The following SORCS3 variants were observed in gnomAD, a reference collection of about 807,000 sequenced individuals.
SORCS3 encodes sortilin related VPS10 domain containing receptor 3.
A neutral mutation model predicts 146.3 loss-of-function variants in SORCS3; 57 were observed. The observed-to-expected ratio is 0.39, with a 90% confidence interval of 0.31 to 0.49. SORCS3 has a LOEUF of 0.49. Ranked by LOEUF, SORCS3 falls within the 20% of genes least tolerant of loss-of-function variation. The probability of loss-of-function intolerance (pLI) is 0.92; values close to 1 mark genes in which losing one functional copy is unlikely to be tolerated. For synonymous variants in SORCS3, 653 were observed against 618.5 expected (o/e 1.06, Z -0.83); for missense variants, 1,341 against 1,575.5 (o/e 0.85, Z 2.52).
chr10:104,869,721 C>G (rs2133566971), intron 2 of SORCS3, among the ~76,000 whole-genome samples: 1 of 152,314 alleles, frequency 6.6e-6, no homozygotes, highest in East Asian at 1.9e-4. Context: ...GTTGGAATAT[C>G]AGGATGCGTA....
intron 4 of SORCS3, among the ~76,000 whole-genome samples, chr10:105,001,125 G>C (rs1330508496): frequency 1.3e-5 from 2 of 152,184 alleles, no homozygotes; most frequent in Non-Finnish European, 2.9e-5. Context: ...GACTAACCAT[G>C]TAAGGTAGGT....
At chr10:105,242,494 A>ATATATTTATATATT (rs1564793531) in intron 20 of SORCS3, among the ~76,000 whole-genome samples, 2 of 15,952 alleles carry the variant, frequency 1.3e-4, no homozygotes, top group Admixed American at 6.9e-4. Context: ...TTATATATTT[A>ATATATTTATATATT]TATATATTTA....
chr10:105,104,094 T>C (rs759273755), intron 6 of SORCS3, among the ~76,000 whole-genome samples: 1 of 152,214 alleles, frequency 6.6e-6, no homozygotes, highest in Non-Finnish European at 1.5e-5. Context: ...TGTAAGTCTT[T>C]TGCTTTTATT....
chr10:105,047,708 G>T (rs2055383417), intron 5 of SORCS3, among the ~76,000 whole-genome samples: 1 of 152,100 alleles, frequency 6.6e-6, no homozygotes, highest in East Asian at 1.9e-4. Flanking sequence ...AGTGGCTGGT[G>T]TGTAAAGGTA....
intron 1 of SORCS3, among the ~76,000 whole-genome samples, chr10:104,756,577 G>C (rs2017055015): frequency 6.6e-6 from 1 of 152,174 alleles, no homozygotes; most frequent in African/African-American, 2.4e-5. Context: ...GTGAAAGGTG[G>C]AGCTGGGAAT....
intron 11 of SORCS3, among the ~76,000 whole-genome samples, chr10:105,163,059 A>G (rs536576672): frequency 6.6e-6 from 1 of 152,166 alleles, no homozygotes; most frequent in South Asian, 2.1e-4. Flanking sequence ...ACAGAACTCC[A>G]TGGATCTACT....
intron 13 of SORCS3, among the ~76,000 whole-genome samples, chr10:105,175,220 T>G (rs2056390825): frequency 8.0e-6 from 1 of 125,106 alleles, no homozygotes; most frequent in South Asian, 2.6e-4. Context: ...GCTAATTTTT[T>G]TTTTTTTTTT....
Position 104,841,107 on chromosome 10 carries a change from A to G in SORCS3, c.628-1685A>G, listed in dbSNP as rs139972047. On this transcript the variant is annotated intron_variant, in intron 1 of 26. Transcript: ENST00000369701. ...TATACTGATTCAACAAACAGAAATT[A>G]TCTGGCAACTTGCTAGACACTTGGT... Among the ~76,000 whole-genome samples the G allele has an allele frequency of 2.9e-3, 449 of 152,244 alleles. 2 individuals carry two copies. Among genetic ancestry groups the G allele is most frequent in the South Asian group, 0.019 (90 of 4,820 alleles).
At chr10:104,840,789 C>T (rs1442272960) in intron 1 of SORCS3, among the ~76,000 whole-genome samples, 3 of 152,088 alleles carry the variant, frequency 2.0e-5, no homozygotes, top group Non-Finnish European at 2.9e-5. Flanking sequence ...GCCCTGAAGG[C>T]TTGATGTTGG....
chr10:104,888,502 A>T (rs780337256), intron 2 of SORCS3, among the ~76,000 whole-genome samples: 4 of 152,162 alleles, frequency 2.6e-5, no homozygotes, highest in Non-Finnish European at 5.9e-5. Flanking sequence ...CAAAGTGAAG[A>T]TGTTGTCCAT....
rs533602396 is a variant in SORCS3 at position 104,642,002 on chromosome 10, G to T, written c.627+48G>T. 1.6e-4 allele frequency: 218 copies of T among 1,349,794 alleles called. 1 individual carries two copies. The East Asian group carries it at 5.8e-3, about 36-fold the overall frequency. The allele number at this position is 1,349,794 out of a possible 1,614,324, so 83.6% of individuals were successfully genotyped here. ...GTCCGCCTGTTTCCTGACACCGAAG[G>T]GGAATGGGGGGGTGGGTGGGAGCGA... On this transcript the variant is annotated intron_variant, in intron 1 of 26. Transcript: ENST00000369701.
At chr10:104,828,141 T>C (rs2017959223) in intron 1 of SORCS3, among the ~76,000 whole-genome samples, 1 of 152,218 alleles carries the variant, frequency 6.6e-6, no homozygotes, top group South Asian at 2.1e-4. Context: ...GACTTTTCCT[T>C]TGCATTCAGA....
chr10:104,991,052 T>A (rs1250282768), intron 4 of SORCS3, among the ~76,000 whole-genome samples: 1 of 152,074 alleles, frequency 6.6e-6, no homozygotes, highest in African/African-American at 2.4e-5. Flanking sequence ...CAACTGCTTG[T>A]CTCCACCAGC....
chr10:104,814,652 T>C (rs779284275), intron 1 of SORCS3, among the ~76,000 whole-genome samples: 3 of 152,232 alleles, frequency 2.0e-5, no homozygotes, highest in Non-Finnish European at 2.9e-5. Context: ...TCTCATTATA[T>C]TGTCATAATA....
intron 14 of SORCS3, among the ~76,000 whole-genome samples, chr10:105,185,582 T>G (rs1218372539): frequency 6.6e-6 from 1 of 152,234 alleles, no homozygotes; most frequent in Non-Finnish European, 1.5e-5. Flanking sequence ...ATAACTACAT[T>G]ATTGTCTTAC....
chr10:105,180,531 T>G (rs1211649234), intron 14 of SORCS3, among the ~76,000 whole-genome samples: 1 of 152,046 alleles, frequency 6.6e-6, no homozygotes, highest in Non-Finnish European at 1.5e-5. Context: ...AGATTTTAGG[T>G]CACATTTAGG....
intron 1 of SORCS3, among the ~76,000 whole-genome samples, chr10:104,765,031 A>G (rs2017163373): frequency 6.6e-6 from 1 of 152,158 alleles, no homozygotes; most frequent in South Asian, 2.1e-4. Flanking sequence ...TGGTCCCTAG[A>G]GCTGGACTAA....
At chr10:104,921,261 G>T (rs997835051) in intron 3 of SORCS3, among the ~76,000 whole-genome samples, 2 of 152,210 alleles carry the variant, frequency 1.3e-5, no homozygotes, top group African/African-American at 2.4e-5. Context: ...CAGGCTGAAG[G>T]CTTTGTGCCT....
chr10:105,092,118 A>G (rs2055714725), intron 6 of SORCS3, among the ~76,000 whole-genome samples: 2 of 152,240 alleles, frequency 1.3e-5, no homozygotes, highest in Admixed American at 1.3e-4. Context: ...TCTTACATTA[A>G]GCTAAAATTT....
Sources: allele counts gnomAD v4.1 joint callset (sites outside exome capture counted in the v4.1 genomes callset), GRCh38; gene constraint gnomAD v4.1.1; transcripts MANE v1.5; gene names NCBI Gene and HGNC (gene_info 2026-07-23, HGNC 2026-07-21).